The following PRMT8 variants were observed in gnomAD, a reference collection of about 807,000 sequenced individuals.
The protein encoded by PRMT8 is protein arginine methyltransferase 8.
In PRMT8, 7 loss-of-function variants were observed where a neutral mutation model predicts 47.1. The observed-to-expected ratio is 0.15, with a 90% CI of 0.08 to 0.28. The LOEUF (loss-of-function observed/expected upper bound fraction) is 0.28. PRMT8 is among the 10% of genes least tolerant of loss of function. PRMT8 has a pLI of 1.00. For missense variants in PRMT8, 237 were observed against 505.4 expected, an observed-to-expected ratio of 0.47 and a Z score of 5.09; for synonymous variants, 188 against 186.5, an observed-to-expected ratio of 1.01 and a Z score of -0.07.
chr12:3,438,602 T>C lies in PRMT8; in HGVS notation c.48+57160T>C, dbSNP rs546963793. On this transcript the variant is annotated intron_variant, in intron 1 of 9. Transcript: ENST00000452611. ...CAGAGCCACCAGACAAATGCACTGA[T>C]GACAAATTCCTTTGCTATCCCAGCA... Among the ~76,000 whole-genome samples the C allele has an allele frequency of 9.8e-5, 15 of 152,362 alleles. No individual in the cohort carries two copies. The East Asian group carries it at 2.9e-3, about 29-fold the overall frequency.
At chr12:3,439,139 C>T (rs1337522996) in intron 1 of PRMT8, among the ~76,000 whole-genome samples, 1 of 152,226 alleles carries the variant, frequency 6.6e-6, no homozygotes, top group African/African-American at 2.4e-5. Context: ...GTGTAGTTTA[C>T]ATTTCATTTA....
At chr12:3,413,766 A>T (rs1237413007) in intron 1 of PRMT8, among the ~76,000 whole-genome samples, 1 of 152,204 alleles carries the variant, frequency 6.6e-6, no homozygotes, top group Non-Finnish European at 1.5e-5. Context: ...TCGGGGGAAA[A>T]AAAACCAATA....
At chr12:3,468,867 C>T (rs575748018) in intron 1 of PRMT8, 22 of 163,062 alleles carry the variant, frequency 1.3e-4, no homozygotes, top group Admixed American at 1.3e-3. Context: ...CTGTTTTGCA[C>T]GCACTTCTCG....
At chr12:3,507,351 G>A (rs1037369744) in intron 1 of PRMT8, among the ~76,000 whole-genome samples, 25 of 152,178 alleles carry the variant, frequency 1.6e-4, no homozygotes, top group Admixed American at 4.6e-4. Flanking sequence ...TCGATCTCCT[G>A]ACCTCGTGAT....
intron 1 of PRMT8, among the ~76,000 whole-genome samples, chr12:3,425,795 T>C (rs1864597987): frequency 6.6e-6 from 1 of 152,244 alleles, no homozygotes; most frequent in South Asian, 2.1e-4. Flanking sequence ...GTGAAAGGGA[T>C]AGCCAATTGG....
rs1235556864 is a variant in PRMT8, at chr12:3,535,224, G to A, written c.76-5382G>A. Among the ~76,000 whole-genome samples the A allele has an allele frequency of 6.6e-6, 1 of 152,208 alleles. No individual in the cohort carries two copies. The highest frequency in any genetic ancestry group is 1.5e-5 in the Non-Finnish European group (1 of 68,046). The stretch of plus-strand genomic sequence containing the variant: ...GCTTCCTCCTGTCTCCAGCTCTGCT[G>A]CGTCCATAACCTTTCATCTCTGCAT... On this transcript the variant is annotated intron_variant, in intron 1 of 9. Transcript: ENST00000382622. This position sits in a 1 kb window ranked among gnomAD's most constrained non-coding sequence, Gnocchi z 4.7.
At chr12:3,469,489 A>G (rs1865137549) in intron 1 of PRMT8, among the ~76,000 whole-genome samples, 1 of 152,222 alleles carries the variant, frequency 6.6e-6, no homozygotes, top group African/African-American at 2.4e-5. Flanking sequence ...ATGGCCCAGG[A>G]TTCCATTTCC....
Position 3,409,964 on chromosome 12 carries a change from G to A in PRMT8, c.48+28522G>A, listed in dbSNP as rs554251292. Among the ~76,000 whole-genome samples the A allele has an allele frequency of 2.0e-4, 31 of 152,326 alleles. No individual in the cohort carries two copies. The highest frequency in any genetic ancestry group is 4.1e-4 in the South Asian group (2 of 4,828). On this transcript the variant is annotated intron_variant, in intron 1 of 9. Transcript: ENST00000452611. This position sits in a 1 kb window ranked among gnomAD's most constrained non-coding sequence, Gnocchi z 4.4. ...CAGGGTGTAGCAGCAACTGGGAGGCGTGGATGGAGTGGCTCTGGCCCTCTG... is the reference window on the plus strand; with the variant it reads ...CAGGGTGTAGCAGCAACTGGGAGGCATGGATGGAGTGGCTCTGGCCCTCTG...
chr12:3,397,315 C>T lies in PRMT8; in HGVS notation c.48+15873C>T, dbSNP rs373222730. Among the ~76,000 whole-genome samples, 269 of 151,844 alleles carry T rather than the reference C, an allele frequency of 1.8e-3. 1 individual carries two copies. The highest frequency in any genetic ancestry group is 4.3e-3 in the African/African-American group (178 of 41,526). On this transcript the variant is annotated intron_variant, in intron 1 of 9. Coordinates refer to the PRMT8 transcript ENST00000452611. ...CGTTTTAGAGTTTCCAGTTTTTCTG[C>T]TCTGTTTTTTCCCCATCTTTGTGGT...
chr12:3,506,734 G>A (rs909033073), intron 1 of PRMT8, among the ~76,000 whole-genome samples: 1 of 152,244 alleles, frequency 6.6e-6, no homozygotes, highest in East Asian at 1.9e-4. Flanking sequence ...AGGCTCCCTC[G>A]AGATAGACAC....
chr12:3,472,624 A>G (rs1385611090), intron 1 of PRMT8, among the ~76,000 whole-genome samples: 2 of 152,216 alleles, frequency 1.3e-5, no homozygotes, highest in Non-Finnish European at 2.9e-5. Context: ...GTTTTCTAGC[A>G]CAGGGCCTGA....
At chr12:3,469,993 A>C (rs1158206309) in intron 1 of PRMT8, among the ~76,000 whole-genome samples, 1 of 152,112 alleles carries the variant, frequency 6.6e-6, no homozygotes. Flanking sequence ...CTCTGGGGGG[A>C]ATGACACCTC....
chr12:3,382,237 G>T (rs570243879), intron 1 of PRMT8, among the ~76,000 whole-genome samples: 367 of 152,272 alleles, frequency 2.4e-3, no homozygotes, highest in Admixed American at 7.9e-3. Context: ...CATTTCTCTG[G>T]AATAAATGCC....
intron 1 of PRMT8, among the ~76,000 whole-genome samples, chr12:3,452,891 C>T (rs1014053821): frequency 3.9e-5 from 6 of 152,262 alleles, no homozygotes; most frequent in South Asian, 2.1e-4. Flanking sequence ...TCTTTAAGGG[C>T]GAGTGGGGTG....
intron 1 of PRMT8, among the ~76,000 whole-genome samples, chr12:3,469,535 A>C (rs1305743935): frequency 6.6e-6 from 1 of 152,184 alleles, no homozygotes; most frequent in African/African-American, 2.4e-5. Context: ...CCAGAGAGAC[A>C]GAAGGTAGAT....
chr12:3,462,371 G>C (rs768967299), intron 1 of PRMT8, among the ~76,000 whole-genome samples: 67 of 152,116 alleles, frequency 4.4e-4, no homozygotes, highest in Non-Finnish European at 8.2e-4. Context: ...GCAAAAGAAG[G>C]GGGCAGAGTG....
chr12:3,408,966 T>C (rs986226384), intron 1 of PRMT8, among the ~76,000 whole-genome samples: 1 of 152,030 alleles, frequency 6.6e-6, no homozygotes, highest in Non-Finnish European at 1.5e-5. Context: ...CAAGGGTGAG[T>C]TTTAGATGAG....
At chr12:3,459,641 TA>T (rs1192098335) in intron 1 of PRMT8, among the ~76,000 whole-genome samples, 2 of 152,150 alleles carry the variant, frequency 1.3e-5, no homozygotes, top group Non-Finnish European at 2.9e-5. Flanking sequence ...AGCTAACATC[TA>T]AAGCGGAACA....
intron 1 of PRMT8, among the ~76,000 whole-genome samples, chr12:3,399,602 ATGTCCT>A (rs1864297239): frequency 6.6e-6 from 1 of 152,174 alleles, no homozygotes; most frequent in African/African-American, 2.4e-5. Context: ...ACCTGAAATG[ATGTCCT>A]TGGAGGAGTC....
Sources: allele counts gnomAD v4.1 joint callset (sites outside exome capture counted in the v4.1 genomes callset), GRCh38; gene constraint gnomAD v4.1.1; non-coding constraint Gnocchi (gnomAD v3.1); transcripts MANE v1.5; gene names NCBI Gene and HGNC (gene_info 2026-07-23, HGNC 2026-07-21).